The following BMERB1 variants were observed in gnomAD, a reference collection of about 807,000 sequenced individuals.
The protein encoded by BMERB1 is bMERB domain-containing protein 1.
BMERB1 carries 12 observed loss-of-function variants against 23.6 expected under a neutral mutation model. That is an observed-to-expected ratio of 0.51 (90% CI 0.33 to 0.82). The LOEUF is 0.82. Ranked by LOEUF, BMERB1 falls within the 40% of genes least tolerant of loss-of-function variation. BMERB1 has a pLI of 0.03. For missense variants in BMERB1, 247 were observed against 255.4 expected (o/e 0.97, Z 0.22); for synonymous variants, 122 against 96.6 (o/e 1.26, Z -1.54).
At chr16:15,520,640 C>T (rs962873843) in intron 2 of BMERB1, among the ~76,000 whole-genome samples, 9 of 152,006 alleles carry the variant, frequency 5.9e-5, no homozygotes, top group Non-Finnish European at 1.2e-4. Flanking sequence ...CCCGCCACCA[C>T]GCCTGGCTAA....
chr16:15,551,034 G>T (rs2030075106), intron 2 of BMERB1, among the ~76,000 whole-genome samples: 1 of 152,170 alleles, frequency 6.6e-6, no homozygotes, highest in African/African-American at 2.4e-5. Flanking sequence ...AGAGTGGAAG[G>T]CACAAGAGAG....
At chr16:15,486,328 G>A (rs1331569784) in intron 1 of BMERB1, among the ~76,000 whole-genome samples, 2 of 152,154 alleles carry the variant, frequency 1.3e-5, no homozygotes, top group African/African-American at 4.8e-5. Context: ...GGATTCTAGG[G>A]TGTCTCACAG....
intron 1 of BMERB1, among the ~76,000 whole-genome samples, chr16:15,470,149 T>C (rs1183612110): frequency 1.3e-5 from 2 of 152,194 alleles, no homozygotes; most frequent in Non-Finnish European, 2.9e-5. Flanking sequence ...GAGAATGTTC[T>C]CCCTTATTCC....
chr16:15,496,323 C>T (rs1281727766), intron 1 of BMERB1, among the ~76,000 whole-genome samples: 1 of 152,058 alleles, frequency 6.6e-6, no homozygotes, highest in Non-Finnish European at 1.5e-5. Context: ...CCTCACTGTC[C>T]TTATGATGTA....
chr16:15,574,967 T>C (rs1236848966), intron 3 of BMERB1, among the ~76,000 whole-genome samples: 1 of 152,124 alleles, frequency 6.6e-6, no homozygotes, highest in Non-Finnish European at 1.5e-5. Context: ...TACTTCCAGC[T>C]ACTCGGGAGA....
intron 2 of BMERB1, among the ~76,000 whole-genome samples, chr16:15,525,861 AC>A (rs2051900433): frequency 6.6e-6 from 1 of 152,160 alleles, no homozygotes; most frequent in Non-Finnish European, 1.5e-5. Flanking sequence ...GTTAGCAAAG[AC>A]CTAGCAAGTT....
At chr16:15,553,449 A>G (rs983203375) in intron 2 of BMERB1, among the ~76,000 whole-genome samples, 8 of 152,192 alleles carry the variant, frequency 5.3e-5, no homozygotes, top group Non-Finnish European at 1.2e-4. Context: ...AAGTTCAGCA[A>G]AATATTTCTG....
chr16:15,498,561 G>A (rs1486874991), intron 1 of BMERB1, among the ~76,000 whole-genome samples: 1 of 148,298 alleles, frequency 6.7e-6, no homozygotes. Context: ...AAAAAAGAAA[G>A]GAAAGGGGCA....
At chr16:15,477,797 A>T (rs1260946740) in intron 1 of BMERB1, among the ~76,000 whole-genome samples, 1 of 151,976 alleles carries the variant, frequency 6.6e-6, no homozygotes, top group Admixed American at 6.6e-5. Context: ...TATGGAAGAC[A>T]ATAAGAAAAC....
At chr16:15,537,134 T>G (rs1400055241) in intron 2 of BMERB1, among the ~76,000 whole-genome samples, 2 of 152,148 alleles carry the variant, frequency 1.3e-5, no homozygotes, top group Non-Finnish European at 2.9e-5. Context: ...ATTATGCCTT[T>G]GATTGAACCT....
At chr16:15,550,191 C>T (rs866733684) in intron 2 of BMERB1, among the ~76,000 whole-genome samples, 21 of 152,208 alleles carry the variant, frequency 1.4e-4, no homozygotes, top group South Asian at 2.1e-4. Flanking sequence ...CACCCCGCCT[C>T]GGCCTCCCGA....
At chr16:15,509,475 C>T (rs1462913873) in intron 1 of BMERB1, among the ~76,000 whole-genome samples, 1 of 152,138 alleles carries the variant, frequency 6.6e-6, no homozygotes, top group Non-Finnish European at 1.5e-5. Flanking sequence ...AGATAATACA[C>T]AGAAAGCCTC....
At chr16:15,496,855 A>T (rs1220912167) in intron 1 of BMERB1, among the ~76,000 whole-genome samples, 1 of 152,144 alleles carries the variant, frequency 6.6e-6, no homozygotes. Flanking sequence ...GAAATTTTTT[A>T]AAGTGGAAAC....
At position 15,515,126 on chromosome 16, in the gene BMERB1, A is replaced by G. The variant is rs566490961; in HGVS notation, c.107-179A>G. Reference sequence around the variant, plus strand: ...CAAACGAAGTAAATTACTTTGGAAAACACATTTTCTGGTTCCCAAAGGGTG... The same window carrying G: ...CAAACGAAGTAAATTACTTTGGAAAGCACATTTTCTGGTTCCCAAAGGGTG... On this transcript the variant is annotated intron_variant, in intron 1 of 5. Transcript: ENST00000300006. Among the ~76,000 whole-genome samples, 8 of 152,298 alleles carry G rather than the reference A, an allele frequency of 5.3e-5. No individual in the cohort carries two copies. In the East Asian group the frequency reaches 1.4e-3, roughly 26 times the overall value.
intron 1 of BMERB1, among the ~76,000 whole-genome samples, chr16:15,441,877 C>T (rs928068669): frequency 5.9e-5 from 9 of 152,094 alleles, no homozygotes; most frequent in African/African-American, 7.2e-5. Flanking sequence ...AAGTCCATAG[C>T]GGGGCAAGTG....
At chr16:15,547,366 A>T (rs1196433628) in intron 2 of BMERB1, among the ~76,000 whole-genome samples, 1 of 123,160 alleles carries the variant, frequency 8.1e-6, no homozygotes, top group Non-Finnish European at 1.7e-5. Flanking sequence ...TTAGTGACAG[A>T]GTTTTGCTCT....
chr16:15,472,993 G>A (rs1002867195), intron 1 of BMERB1, among the ~76,000 whole-genome samples: 1 of 151,540 alleles, frequency 6.6e-6, no homozygotes, highest in Non-Finnish European at 1.5e-5. Context: ...CCAAGTAGCT[G>A]AGATCACAGG....
chr16:15,457,353 T>A (rs2051094975), intron 1 of BMERB1, among the ~76,000 whole-genome samples: 1 of 152,258 alleles, frequency 6.6e-6, no homozygotes, highest in Non-Finnish European at 1.5e-5. Flanking sequence ...TTGTTCACCT[T>A]CCAGCTAACT....
intron 2 of BMERB1, among the ~76,000 whole-genome samples, chr16:15,555,836 C>G (rs1031690199): frequency 1.3e-5 from 2 of 152,174 alleles, no homozygotes; most frequent in East Asian, 3.9e-4. Flanking sequence ...GAAAGCTGAA[C>G]CAATGCACAT....
Sources: gnomAD v4.1 joint callset for allele counts (sites outside exome capture counted in the v4.1 genomes callset) on GRCh38, gnomAD v4.1.1 for gene constraint, MANE v1.5 for transcripts, NCBI Gene and HGNC (gene_info 2026-07-23, HGNC 2026-07-21) for gene names.